Variants in ADGB observed in about 807,000 individuals in gnomAD.
ADGB encodes the protein calpain-7-like protein.
ADGB carries 172 observed loss-of-function variants against 210.5 expected under a neutral mutation model. The ratio of observed to expected loss-of-function variants is 0.82; its 90% CI spans 0.72 to 0.93. ADGB has a LOEUF of 0.93. Among genes scored for constraint, ADGB ranks in the 40% least tolerant of loss-of-function variants. The pLI is 0.00. For missense variants in ADGB, 2,025 were observed against 1,964.8 expected, an observed-to-expected ratio of 1.03 and a Z score of -0.58; for synonymous variants, 658 against 662.7, an observed-to-expected ratio of 0.99 and a Z score of 0.11.
intron 23 of ADGB, among the ~76,000 whole-genome samples, chr6:146,737,829 T>C (rs2114593882): frequency 6.6e-6 from 1 of 152,100 alleles, no homozygotes; most frequent in Middle Eastern, 3.4e-3. Context: ...CAGGGGATTG[T>C]TGTTCTTCTC....
intron 32 of ADGB, among the ~76,000 whole-genome samples, chr6:146,786,054 ATAT>A (rs1445476160): frequency 6.6e-6 from 1 of 150,874 alleles, no homozygotes; most frequent in East Asian, 1.9e-4. Context: ...GTCTACTACT[ATAT>A]TATTATTAGA....
intron 2 of ADGB, among the ~76,000 whole-genome samples, chr6:146,641,377 T>A (rs528817361): frequency 6.6e-6 from 1 of 151,954 alleles, no homozygotes; most frequent in African/African-American, 2.4e-5. Flanking sequence ...ATGACATTCT[T>A]CACAGAACTA....
In ADGB at chr6:146,656,756, G is replaced by GT. The variant is rs1178314244; in HGVS notation, c.403-9dup. 5.3e-6 allele frequency: 8 copies of GT among 1,495,722 alleles called. No homozygotes were observed. The highest frequency in any genetic ancestry group is 3.5e-4 in the Middle Eastern group (2 of 5,714). The allele number at this position is 1,495,722 out of a possible 1,614,324, so 92.7% of individuals were successfully genotyped here. Reference sequence around the variant, plus strand: ...TGAAAAATAACCAATTAACCCTAATGTTTTTTATCTCTAGCTGATGAGATG... The same window carrying GT: ...TGAAAAATAACCAATTAACCCTAATGTTTTTTTATCTCTAGCTGATGAGATG... On this transcript the variant is annotated splice_polypyrimidine_tract_variant and intron_variant, in intron 4 of 35. Transcript: ENST00000397944.
chr6:146,626,855 G>T (rs909708728), intron 1 of ADGB, among the ~76,000 whole-genome samples: 4 of 151,094 alleles, frequency 2.6e-5, no homozygotes, highest in African/African-American at 7.3e-5. Context: ...AGTATTTTCT[G>T]TCTTTAATCC....
chr6:146,773,201 C>T (rs548426504), intron 29 of ADGB, among the ~76,000 whole-genome samples: 2 of 151,804 alleles, frequency 1.3e-5, no homozygotes, highest in South Asian at 2.1e-4. Flanking sequence ...GACTTCATAA[C>T]GTTAGACATT....
chr6:146,698,415 C>A (rs1234679239), intron 12 of ADGB, among the ~76,000 whole-genome samples: 1 of 152,162 alleles, frequency 6.6e-6, no homozygotes, highest in Admixed American at 6.5e-5. Flanking sequence ...GTACCGTGTT[C>A]ATTGTGCTTT....
At chr6:146,653,108 G>A (rs996783470) in intron 3 of ADGB, among the ~76,000 whole-genome samples, 9 of 152,024 alleles carry the variant, frequency 5.9e-5, no homozygotes, top group Non-Finnish European at 1.2e-4. Flanking sequence ...TGTGAACTGC[G>A]TGTGCATGTG....
At chr6:146,659,389 C>T (rs1479740727) in intron 5 of ADGB, among the ~76,000 whole-genome samples, 1 of 152,146 alleles carries the variant, frequency 6.6e-6, no homozygotes, top group African/African-American at 2.4e-5. Flanking sequence ...CTTCTTCTCA[C>T]TGTTTTTCTT....
At chr6:146,725,798 C>G (rs1044373836) in intron 18 of ADGB, 1 of 249,138 alleles carries the variant, frequency 4.0e-6, no homozygotes, top group African/African-American at 2.2e-5. Flanking sequence ...GTCTTCACAC[C>G]ATGACTGCAG....
intron 28 of ADGB, among the ~76,000 whole-genome samples, chr6:146,764,710 C>A (rs1488148059): frequency 6.6e-6 from 1 of 152,118 alleles, no homozygotes; most frequent in Non-Finnish European, 1.5e-5. Context: ...CTATTTTAAA[C>A]AAACTGCTGT....
chr6:146,622,156 C>T (rs1780903404), intron 1 of ADGB, among the ~76,000 whole-genome samples: 1 of 152,100 alleles, frequency 6.6e-6, no homozygotes, highest in African/African-American at 2.4e-5. Context: ...ATCACCTATT[C>T]ATGTGTTTAT....
intron 33 of ADGB, among the ~76,000 whole-genome samples, chr6:146,799,079 A>AAAAAAAAAG (rs1778086095): frequency 6.7e-6 from 1 of 148,972 alleles, no homozygotes; most frequent in Non-Finnish European, 1.5e-5. Context: ...AAAAAAAAAA[A>AAAAAAAAAG]CAGAAAAGCC....
At chr6:146,805,366 A>T (rs1562306344) in intron 35 of ADGB, among the ~76,000 whole-genome samples, 1 of 152,168 alleles carries the variant, frequency 6.6e-6, no homozygotes, top group Non-Finnish European at 1.5e-5. Flanking sequence ...GTCTAAACCC[A>T]ATTTGTGGTT....
chr6:146,811,625 T>C (rs1778304362), intron 35 of ADGB, among the ~76,000 whole-genome samples: 1 of 152,156 alleles, frequency 6.6e-6, no homozygotes, highest in Non-Finnish European at 1.5e-5. Flanking sequence ...AATTGTTTGA[T>C]AGTTTTCACT....
At chr6:146,728,884 C>A in intron 20 of ADGB, 143 bp downstream of exon 20, 3 of 679,148 alleles carry the variant, frequency 4.4e-6, no homozygotes, top group Non-Finnish European at 4.6e-6. Context: ...TTTCAGAAAG[C>A]AGAAATGAGG....
intron 10 of ADGB, among the ~76,000 whole-genome samples, chr6:146,690,191 C>T (rs1191991195): frequency 6.6e-6 from 1 of 152,084 alleles, no homozygotes; most frequent in Non-Finnish European, 1.5e-5. Context: ...AGGCAGTTTC[C>T]AGTTGAAGTA....
At chr6:146,775,259 GT>G (rs998438799) in intron 29 of ADGB, among the ~76,000 whole-genome samples, 6 of 151,796 alleles carry the variant, frequency 4.0e-5, no homozygotes, top group Non-Finnish European at 7.4e-5. Context: ...AATTTGTGGG[GT>G]TTTTTTCAAA....
At chr6:146,797,649 G>C (rs746319294) in intron 33 of ADGB, among the ~76,000 whole-genome samples, 7 of 152,096 alleles carry the variant, frequency 4.6e-5, no homozygotes, top group Non-Finnish European at 1.0e-4. Flanking sequence ...CACATTCAAA[G>C]TGAACTAACC....
At chr6:146,599,516 G>A (rs182831391) in intron 1 of ADGB, among the ~76,000 whole-genome samples, 495 of 152,246 alleles carry the variant, frequency 3.3e-3, no homozygotes, top group African/African-American at 0.011. Context: ...GACAGACATG[G>A]ACACATTTCA....
Sources: allele counts gnomAD v4.1 joint callset (sites outside exome capture counted in the v4.1 genomes callset), GRCh38; gene constraint gnomAD v4.1.1; transcripts MANE v1.5; gene names NCBI Gene and HGNC (gene_info 2026-07-23, HGNC 2026-07-21).